PAK3: variants seen among roughly 807,000 people sequenced by gnomAD.
PAK3 encodes serine/threonine-protein kinase PAK 3.
PAK3 carries 4 observed loss-of-function variants against 41.0 expected under a neutral mutation model. The observed-to-expected ratio is 0.10, with a 90% CI of 0.05 to 0.22. The LOEUF (loss-of-function observed/expected upper bound fraction) is 0.22, where lower values mean the gene tolerates loss of function less well. Ranked by LOEUF, PAK3 falls within the 10% of genes least tolerant of loss-of-function variation. The pLI is 1.00. For synonymous variants in PAK3, 146 were observed against 139.6 expected, an observed-to-expected ratio of 1.05 and a Z score of -0.32; for missense variants, 205 against 409.9, an observed-to-expected ratio of 0.50 and a Z score of 4.32.
At chrX:111,054,906 A>G (rs1400046111) in intron 1 of PAK3, among the ~76,000 whole-genome samples, 1 of 111,677 alleles carries the variant, frequency 9.0e-6, no homozygotes, top group East Asian at 2.8e-4. Context: ...CAATGTTTAT[A>G]CTGATTGGTC....
chrX:111,120,750 G>A (rs2093555651), intron 4 of PAK3, among the ~76,000 whole-genome samples: 1 of 111,724 alleles, frequency 9.0e-6, no homozygotes, highest in African/African-American at 3.3e-5. Context: ...CAGTTTCTCT[G>A]CAATAACTTT....
intron 4 of PAK3, 49 bp downstream of exon 4, chrX:111,103,355 C>A (rs1386939124): frequency 8.9e-6 from 1 of 112,333 alleles, no homozygotes; most frequent in Non-Finnish European, 1.9e-5. Context: ...CAAATCCAGG[C>A]AAATGCTGCT....
At chrX:111,167,198 C>G (rs766707589) in intron 10 of PAK3, among the ~76,000 whole-genome samples, 1 of 110,932 alleles carries the variant, frequency 9.0e-6, no homozygotes, top group South Asian at 3.9e-4. Flanking sequence ...AGGAATAATC[C>G]CAGGTGTATG....
At chrX:110,989,684 G>A (rs971174306) in intron 1 of PAK3, among the ~76,000 whole-genome samples, 1 of 111,869 alleles carries the variant, frequency 8.9e-6, no homozygotes, top group African/African-American at 3.3e-5. Flanking sequence ...TACAGACTCA[G>A]AAAGATTAGG....
intron 8 of PAK3, among the ~76,000 whole-genome samples, chrX:111,154,485 A>G (rs2094075709): frequency 9.0e-6 from 1 of 111,593 alleles, no homozygotes; most frequent in Non-Finnish European, 1.9e-5. Flanking sequence ...TCTTGTGTGA[A>G]TATTAAATGT....
At chrX:111,065,317 G>GTTTTTTT (rs56710729) in intron 1 of PAK3, among the ~76,000 whole-genome samples, 1 of 102,268 alleles carries the variant, frequency 9.8e-6, no homozygotes, top group Non-Finnish European at 2.0e-5. Context: ...AGATGATCAC[G>GTTTTTTT]TTTTTTTTTT....
rs978436055 is a variant in PAK3 at position 111,011,669 on chromosome X, G to A, written c.-28+67041G>A. ...ACAATGCACAGGAATGTTCTCCTCC[G>A]TTCTTCTGCTTCTGCAGTGTAAGCA... is the stretch of plus-strand genomic sequence containing the variant. On this transcript the variant is annotated intron_variant, in intron 1 of 14. Coordinates refer to the PAK3 transcript ENST00000425146. Among the ~76,000 whole-genome samples, 22 of 112,219 alleles carry A rather than the reference G, an allele frequency of 2.0e-4. No individual in the cohort carries two copies. The Admixed American group carries it at 2.0e-3, about 10-fold the overall frequency.
At chrX:111,034,093 C>G (rs1444342215) in intron 1 of PAK3, among the ~76,000 whole-genome samples, 1 of 111,115 alleles carries the variant, frequency 9.0e-6, no homozygotes, top group African/African-American at 3.3e-5. Flanking sequence ...AGTTCTTCTT[C>G]TTTATTTTAT....
At chrX:110,999,442 G>A (rs981869214) in intron 1 of PAK3, among the ~76,000 whole-genome samples, 2 of 110,878 alleles carry the variant, frequency 1.8e-5, no homozygotes, top group African/African-American at 6.6e-5. Flanking sequence ...CCCACTCCAG[G>A]CTGGCACATA....
intron 1 of PAK3, among the ~76,000 whole-genome samples, chrX:110,957,060 C>T (rs2090875625): frequency 9.0e-6 from 1 of 111,683 alleles, no homozygotes; most frequent in African/African-American, 3.3e-5. Context: ...AAATTTTGAC[C>T]TCATTGGATT....
chrX:111,076,719 C>T (rs1435682027), intron 1 of PAK3, among the ~76,000 whole-genome samples: 1 of 112,175 alleles, frequency 8.9e-6, no homozygotes, highest in East Asian at 2.8e-4. Context: ...TAACATCATA[C>T]TTAGCAGTGA....
chrX:111,034,547 G>A (rs183725264), intron 1 of PAK3, among the ~76,000 whole-genome samples: 92 of 111,398 alleles, frequency 8.3e-4, no homozygotes, highest in Non-Finnish European at 1.3e-3. Context: ...CCCCAGGTCC[G>A]AACCAGTATA....
intron 11 of PAK3, among the ~76,000 whole-genome samples, chrX:111,179,483 C>T (rs187396080): frequency 4.5e-4 from 50 of 111,282 alleles, no homozygotes; most frequent in Non-Finnish European, 7.6e-5. Context: ...ACAGGAACTA[C>T]TGTATTCTTA....
In PAK3 at chrX:110,948,711, A is replaced by G. The variant is rs772977985; in HGVS notation, c.-28+4083A>G. On this transcript the variant is annotated intron_variant, in intron 1 of 14. Coordinates refer to the PAK3 transcript ENST00000425146. ...GGCATTCAGTCTCTACCCCAAAATG[A>G]ACGTCAAGACATTCGGGTTGCTGGT... 1.6e-4 allele frequency among the ~76,000 whole-genome samples: 18 copies of G among 111,486 alleles called. No individual in the cohort carries two copies. The South Asian group carries it at 6.6e-3, about 41-fold the overall frequency.
intron 1 of PAK3, among the ~76,000 whole-genome samples, chrX:111,005,487 C>T (rs1486117294): frequency 8.9e-6 from 1 of 111,762 alleles, no homozygotes; most frequent in Middle Eastern, 4.6e-3. Context: ...GTGTTTGAAT[C>T]GCTACCCATC....
intron 8 of PAK3, 34 bp downstream of exon 8, chrX:111,152,481 T>A (rs780675091): frequency 9.9e-7 from 1 of 1,005,799 alleles, no homozygotes; most frequent in South Asian, 1.9e-5. Flanking sequence ...TTCACATGAT[T>A]GGTGTTTCCA....
chrX:111,077,695 C>A (rs1487358715), intron 1 of PAK3, among the ~76,000 whole-genome samples: 1 of 111,684 alleles, frequency 9.0e-6, no homozygotes, highest in Non-Finnish European at 1.9e-5. Flanking sequence ...ATACTTGAAA[C>A]TGTAAAACTA....
At chrX:110,997,808 C>T (rs1178691088) in intron 1 of PAK3, among the ~76,000 whole-genome samples, 1 of 110,619 alleles carries the variant, frequency 9.0e-6, no homozygotes, top group Non-Finnish European at 1.9e-5. Context: ...TAGGTCATCA[C>T]GGAGGAGCCT....
intron 1 of PAK3, among the ~76,000 whole-genome samples, chrX:111,047,419 A>T (rs1320100707): frequency 1.8e-5 from 2 of 109,740 alleles, no homozygotes; most frequent in African/African-American, 6.6e-5. Context: ...TTTTTTTTTT[A>T]AACAAGCCTT....
Sources: gnomAD v4.1 joint callset for allele counts (sites outside exome capture counted in the v4.1 genomes callset) on GRCh38, gnomAD v4.1.1 for gene constraint, MANE v1.5 for transcripts, NCBI Gene and HGNC (gene_info 2026-07-23, HGNC 2026-07-21) for gene names.